SMARCA4: variants seen among roughly 807,000 people sequenced by gnomAD.
SMARCA4 encodes the protein SWI/SNF related BAF chromatin remodeling complex subunit ATPase 4, also known as SWI/SNF-related matrix-associated actin-dependent regulator of chromatin subfamily A member 4.
Under a neutral mutation model 193.9 loss-of-function variants are expected in SMARCA4, and 31 were observed. The ratio of observed to expected loss-of-function variants is 0.16; its 90% CI spans 0.12 to 0.22. SMARCA4 has a LOEUF of 0.22. Ranked by LOEUF, SMARCA4 falls within the 10% of genes least tolerant of loss-of-function variation. SMARCA4 has a pLI of 1.00. For missense variants in SMARCA4, 1,148 were observed against 2,296.0 expected (o/e 0.50, Z 10.22); for synonymous variants, 942 against 933.1 (o/e 1.01, Z -0.17).
At chr19:11,042,209 G>A (rs1045325546) in intron 30 of SMARCA4, among the ~76,000 whole-genome samples, 2 of 152,180 alleles carry the variant, frequency 1.3e-5, no homozygotes, top group African/African-American at 2.4e-5. Flanking sequence ...ACGGCCCAGC[G>A]GCGGATCATA....
intron 1 of SMARCA4, among the ~76,000 whole-genome samples, chr19:10,980,599 A>G (rs1599898489): frequency 6.7e-6 from 1 of 150,030 alleles, no homozygotes; most frequent in African/African-American, 2.5e-5. Context: ...ATGTCACTGC[A>G]CTCCAGCCTG....
chr19:11,007,510 G>A (rs567151874), intron 13 of SMARCA4, among the ~76,000 whole-genome samples: 2 of 151,064 alleles, frequency 1.3e-5, no homozygotes, highest in Non-Finnish European at 2.9e-5. Context: ...AGGCTGAGGC[G>A]AGAGGATTGC....
At chr19:11,010,158 A>G (rs780419415) in intron 14 of SMARCA4, among the ~76,000 whole-genome samples, 2 of 152,136 alleles carry the variant, frequency 1.3e-5, no homozygotes, top group Admixed American at 6.6e-5. Context: ...TGGTGGTGCA[A>G]TCAGGACCCA....
Position 10,985,621 on chromosome 19 carries a change from T to C in SMARCA4, c.355+216T>C, listed in dbSNP as rs535379695. The stretch of plus-strand genomic sequence containing the variant: ...GCAGCCCTGGAAGGGGAAATGCTGG[T>C]TGGGGGGCAGACCATGTTCAGCATG... On this transcript the variant is annotated intron_variant, in intron 3 of 34. Coordinates refer to ENST00000344626, the MANE Select transcript of SMARCA4 (RefSeq NM_003072.5). This position sits in a 1 kb window ranked among gnomAD's most constrained non-coding sequence, Gnocchi z 4.5. 9.9e-5 allele frequency among the ~76,000 whole-genome samples: 15 copies of C among 152,118 alleles called. No homozygotes were observed. The South Asian group carries it at 1.0e-3, about 11-fold the overall frequency.
At chr19:11,056,980 G>A (rs1348069603) in intron 30 of SMARCA4, among the ~76,000 whole-genome samples, 2 of 152,262 alleles carry the variant, frequency 1.3e-5, no homozygotes, top group African/African-American at 4.8e-5. Context: ...GCATGGGCGG[G>A]CTGCCCTGCC....
At chr19:11,053,129 G>A (rs972523923) in intron 30 of SMARCA4, among the ~76,000 whole-genome samples, 6 of 152,112 alleles carry the variant, frequency 3.9e-5, no homozygotes, top group South Asian at 2.1e-4. Flanking sequence ...GGCTGGGCAC[G>A]GTGGCTCACG....
At chr19:11,001,814 C>T (rs76421934) in intron 11 of SMARCA4, among the ~76,000 whole-genome samples, 2,801 of 152,274 alleles carry the variant, frequency 0.018, 78 homozygotes, top group African/African-American at 0.064. Flanking sequence ...ACTTTTTCTC[C>T]ATCCTGGAAG....
intron 1 of SMARCA4, among the ~76,000 whole-genome samples, chr19:10,972,041 C>T (rs940471188): frequency 4.6e-5 from 7 of 151,710 alleles, no homozygotes; most frequent in South Asian, 2.1e-4. Context: ...CTGCAACCTC[C>T]GCCTCCTGGG....
At position 11,058,424 on chromosome 19, in the gene SMARCA4, A is replaced by T. The variant is rs969523928; in HGVS notation, c.4533+61A>T. On this transcript the variant is annotated intron_variant, in intron 31 of 34. Transcript: ENST00000344626. The surrounding 1 kb of genome is among the most constrained non-coding windows in gnomAD (Gnocchi z 5.8). ...CCGGAGGGGAGTCTGACCCAGGGGC[A>T]CCCCCATCTGAGAGCTGTGGTGTGT... 1.5e-5 allele frequency: 17 copies of T among 1,170,460 alleles called. No individual in the cohort carries two copies. The highest frequency in any genetic ancestry group is 5.1e-6 in the Non-Finnish European group (4 of 785,412). The allele number at this position is 1,170,460 out of a possible 1,614,324, so 72.5% of individuals were successfully genotyped here.
chr19:11,057,494 G>C lies in SMARCA4; in HGVS notation c.4425-761G>C, dbSNP rs562175818. ...GCCTCTAATCCCAGCACTTCGGGAG[G>C]CCAAGGCAGGCAGATCACGAGGTCA... On this transcript the variant is annotated intron_variant, in intron 30 of 34. Transcript: ENST00000344626. 2.0e-4 allele frequency among the ~76,000 whole-genome samples: 30 copies of C among 152,276 alleles called. No homozygotes were observed. The South Asian group carries it at 5.6e-3, about 28-fold the overall frequency.
Position 11,041,081 on chromosome 19 carries a change from C to G in SMARCA4, c.4171-226C>G. On this transcript the variant is annotated intron_variant, in intron 29 of 34. Transcript: ENST00000344626. The surrounding 1 kb of genome is among the most constrained non-coding windows in gnomAD (Gnocchi z 5.6). The stretch of plus-strand genomic sequence containing the variant: ...AATTCAACCATTAGTTTTTTAAAGA[C>G]AAGCTTGGGTGGGGTGCCTGCTGGG... 1.8e-6 allele frequency: 1 copy of G among 540,754 alleles called. No individual in the cohort carries two copies. The highest frequency in any genetic ancestry group is 3.3e-6 in the Non-Finnish European group (1 of 306,860). The allele number at this position is 540,754 out of a possible 1,614,324, so 33.5% of individuals were successfully genotyped here. A position where few individuals can be genotyped will look rare whatever the true frequency, so the allele number is the denominator to read the frequency against.
At chr19:10,969,508 G>C (rs2084509040) in intron 1 of SMARCA4, among the ~76,000 whole-genome samples, 1 of 151,684 alleles carries the variant, frequency 6.6e-6, no homozygotes, top group Non-Finnish European at 1.5e-5. Context: ...TCGGCTCACT[G>C]AAACCTCCGC....
chr19:10,967,336 GCTCT>G (rs1398044424), intron 1 of SMARCA4, among the ~76,000 whole-genome samples: 1 of 151,520 alleles, frequency 6.6e-6, no homozygotes, highest in African/African-American at 2.4e-5. Context: ...ATGGAGTCTT[GCTCT>G]CTCTCTGTCG....
At chr19:10,971,873 C>T (rs964161166) in intron 1 of SMARCA4, among the ~76,000 whole-genome samples, 19 of 151,674 alleles carry the variant, frequency 1.3e-4, no homozygotes, top group African/African-American at 4.4e-4. Flanking sequence ...ACCTCCGCCT[C>T]CCGGGTTCAA....
chr19:11,018,891 A>T, intron 16 of SMARCA4, 66 bp from the exon 17 acceptor site: 2 of 1,335,954 alleles, frequency 1.5e-6, no homozygotes, highest in Non-Finnish European at 2.2e-6. Context: ...GCCAGTGGCT[A>T]TGGGTTTGCA....
intron 11 of SMARCA4, among the ~76,000 whole-genome samples, chr19:10,997,709 C>G (rs2087212066): frequency 6.6e-6 from 1 of 152,118 alleles, no homozygotes; most frequent in Admixed American, 6.6e-5. Context: ...CTCAGGCATC[C>G]TCCTGCCTCA....
intron 20 of SMARCA4, 148 bp from the exon 21 acceptor site, chr19:11,024,183 C>T: frequency 1.4e-6 from 1 of 699,426 alleles, no homozygotes; most frequent in Non-Finnish European, 2.6e-6. Context: ...CTCTTCTCCC[C>T]AGCTGTGAGG....
At chr19:11,047,098 T>C (rs998530388) in intron 30 of SMARCA4, among the ~76,000 whole-genome samples, 2 of 152,052 alleles carry the variant, frequency 1.3e-5, no homozygotes, top group Non-Finnish European at 2.9e-5. Context: ...AAACTCAGGG[T>C]CCACAGGGTG....
chr19:10,968,741 G>A (rs764130151), intron 1 of SMARCA4, among the ~76,000 whole-genome samples: 2 of 152,184 alleles, frequency 1.3e-5, no homozygotes, highest in African/African-American at 2.4e-5. Flanking sequence ...CTGCTCACCT[G>A]TTCCAGTGGG....
Sources: gnomAD v4.1 joint callset for allele counts (sites outside exome capture counted in the v4.1 genomes callset) on GRCh38, gnomAD v4.1.1 for gene constraint, Gnocchi (gnomAD v3.1) non-coding constraint, MANE v1.5 for transcripts, NCBI Gene and HGNC (gene_info 2026-07-23, HGNC 2026-07-21) for gene names.